Variants in ARID4B observed in about 807,000 individuals in gnomAD.
ARID4B encodes the protein AT-rich interactive domain-containing protein 4B.
Under a neutral mutation model 147.5 loss-of-function variants are expected in ARID4B, and 26 were observed. The ratio of observed to expected loss-of-function variants is 0.18; its 90% CI spans 0.13 to 0.24. ARID4B has a LOEUF of 0.24. Among genes scored for constraint, ARID4B ranks in the 10% least tolerant of loss-of-function variants. ARID4B has a pLI of 1.00. For synonymous variants in ARID4B, 512 were observed against 507.9 expected (o/e 1.01, Z -0.11); for missense variants, 1,179 against 1,511.5 (o/e 0.78, Z 3.65).
intron 2 of ARID4B, among the ~76,000 whole-genome samples, chr1:235,283,879 C>T (rs1671812028): frequency 6.6e-6 from 1 of 151,986 alleles, no homozygotes; most frequent in Admixed American, 6.6e-5. Flanking sequence ...GGATTACAGA[C>T]ATGCGCCACC....
At chr1:235,267,156 T>C (rs905865989) in intron 2 of ARID4B, among the ~76,000 whole-genome samples, 2 of 152,112 alleles carry the variant, frequency 1.3e-5, no homozygotes, top group African/African-American at 2.4e-5. Flanking sequence ...CATGCACGTA[T>C]GGTCCCAACT....
At chr1:235,309,764 A>G (rs376004086) in intron 2 of ARID4B, among the ~76,000 whole-genome samples, 3 of 152,142 alleles carry the variant, frequency 2.0e-5, no homozygotes, top group African/African-American at 4.8e-5. Context: ...TTGAGAAATC[A>G]GATGGTTGCC....
chr1:235,313,460 T>C (rs1674219596), intron 2 of ARID4B, among the ~76,000 whole-genome samples: 1 of 152,120 alleles, frequency 6.6e-6, no homozygotes, highest in African/African-American at 2.4e-5. Flanking sequence ...GAGTAGAGAC[T>C]CGGGTTTAGC....
chr1:235,273,382 T>A (rs886737637), intron 2 of ARID4B, among the ~76,000 whole-genome samples: 3 of 152,124 alleles, frequency 2.0e-5, no homozygotes, highest in African/African-American at 7.2e-5. Flanking sequence ...GTAAATTATC[T>A]CTCCTTTACA....
At chr1:235,194,337 A>AT in intron 18 of ARID4B, 126 bp from the exon 19 acceptor site, 1 of 785,334 alleles carries the variant, frequency 1.3e-6, no homozygotes, top group Non-Finnish European at 2.0e-6. Flanking sequence ...AAGAAAGAAC[A>AT]TAAGAAGCCC....
chr1:235,320,663 T>C (rs1270705149), intron 2 of ARID4B, among the ~76,000 whole-genome samples: 1 of 152,196 alleles, frequency 6.6e-6, no homozygotes, highest in Non-Finnish European at 1.5e-5. Flanking sequence ...TATAAGGCCC[T>C]ACAATTGTAC....
At chr1:235,195,474 TC>T (rs1665428182) in intron 18 of ARID4B, among the ~76,000 whole-genome samples, 1 of 151,846 alleles carries the variant, frequency 6.6e-6, no homozygotes, top group Non-Finnish European at 1.5e-5. Flanking sequence ...GTGCCTGTAA[TC>T]CCAGCTACTC....
chr1:235,301,983 G>A (rs1263932298), intron 2 of ARID4B, among the ~76,000 whole-genome samples: 2 of 150,964 alleles, frequency 1.3e-5, no homozygotes, highest in African/African-American at 4.9e-5. Flanking sequence ...ATGGGCCACC[G>A]CGCCCAGCCA....
chr1:235,181,350 T>C, intron 20 of ARID4B: 1 of 661,312 alleles, frequency 1.5e-6, no homozygotes, highest in Non-Finnish European at 2.4e-6. Flanking sequence ...GCATGTGTTC[T>C]GGTCCACAAT....
At chr1:235,297,125 A>AAGAGAGT (rs1240175825) in intron 2 of ARID4B, among the ~76,000 whole-genome samples, 1 of 152,150 alleles carries the variant, frequency 6.6e-6, no homozygotes, top group Non-Finnish European at 1.5e-5. Flanking sequence ...TTGTGCCAGA[A>AAGAGAGT]AGAGAGTAAG....
intron 5 of ARID4B, among the ~76,000 whole-genome samples, chr1:235,253,035 T>A (rs963943208): frequency 2.0e-5 from 3 of 152,192 alleles, no homozygotes; most frequent in Admixed American, 2.0e-4. Flanking sequence ...AATGAAAACA[T>A]CTTGTATAAA....
rs773440488 is a variant in ARID4B, at chr1:235,182,622, T to G, written c.2297A>C (p.His766Pro). ...TGGTTTGGATATTACCAAATCTGCA[T>G]GAACTTTGTTTTCTTCTAGCAAAGA... The part of the protein sequence containing the change: ...SSSLLEENKV[H>P]ADLVISKPVS... Residue 766 changes from histidine to proline, a missense_variant, in exon 20 of 24, where the codon CAT becomes CCT. Transcript: ENST00000264183. 1 of 1,613,768 alleles carries G rather than the reference T, an allele frequency of 6.2e-7. No homozygotes were observed. Among genetic ancestry groups the G allele is most frequent in the Non-Finnish European group, 8.5e-7 (1 of 1,179,992 alleles).
intron 2 of ARID4B, among the ~76,000 whole-genome samples, chr1:235,270,671 T>G (rs896367597): frequency 6.6e-6 from 1 of 152,212 alleles, no homozygotes; most frequent in African/African-American, 2.4e-5. Flanking sequence ...CAACTATACT[T>G]AAGGCACTGT....
In ARID4B at chr1:235,246,417, T is replaced by C. The variant is rs1363328788; in HGVS notation, c.446+3A>G. ...CAACTAACAGTCATGAAAATGGACT[T>C]ACATATGATTAGATCTTCTTCCTCT... On this transcript the variant is annotated splice_donor_region_variant and intron_variant, in intron 7 of 23. Transcript: ENST00000264183. 1 of 1,585,946 alleles carries C rather than the reference T, an allele frequency of 6.3e-7. No individual in the cohort carries two copies.
At chr1:235,315,713 G>A (rs1211096762) in intron 2 of ARID4B, among the ~76,000 whole-genome samples, 2 of 152,144 alleles carry the variant, frequency 1.3e-5, no homozygotes, top group African/African-American at 4.8e-5. Flanking sequence ...AAAGACATTA[G>A]TTACAGGGAT....
Position 235,182,231 on chromosome 1 carries a change from T to C in ARID4B, c.2688A>G (p.Ser896=), listed in dbSNP as rs1430598935. ...TTTTTTCTGCCACTTCTGAAAATCCTGAATAGAAACCAGTTGTCCGTAGAG... is the reference window on the plus strand; with the variant it reads ...TTTTTTCTGCCACTTCTGAAAATCCCGAATAGAAACCAGTTGTCCGTAGAG... ...RKSLRTTGFY[S]GFSEVAEKRI... Residue 896 remains serine (S), a synonymous_variant, in exon 20 of 24, where the codon TCA becomes TCG. Transcript: ENST00000264183. 3 of 1,613,360 alleles carry C rather than the reference T, an allele frequency of 1.9e-6. No homozygotes were observed. Among genetic ancestry groups the C allele is most frequent in the African/African-American group, 2.7e-5 (2 of 74,796 alleles).
intron 19 of ARID4B, among the ~76,000 whole-genome samples, chr1:235,189,199 G>A (rs1664901362): frequency 6.6e-6 from 1 of 152,036 alleles, no homozygotes; most frequent in South Asian, 2.1e-4. Context: ...AGGAGTTCAA[G>A]ACCAGCCTGG....
intron 2 of ARID4B, among the ~76,000 whole-genome samples, chr1:235,280,689 G>C (rs1671609703): frequency 6.6e-6 from 1 of 152,222 alleles, no homozygotes; most frequent in Non-Finnish European, 1.5e-5. Flanking sequence ...GCGCAGGGTG[G>C]GGCTGCCATC....
At chr1:235,252,002 A>G (rs962506810) in intron 6 of ARID4B, among the ~76,000 whole-genome samples, 4 of 152,190 alleles carry the variant, frequency 2.6e-5, no homozygotes, top group Non-Finnish European at 4.4e-5. Flanking sequence ...TAATAATAGT[A>G]ACTACCTCAT....
Sources: gnomAD v4.1 joint callset for allele counts (sites outside exome capture counted in the v4.1 genomes callset) on GRCh38, gnomAD v4.1.1 for gene constraint, MANE v1.5 for transcripts, NCBI Gene and HGNC (gene_info 2026-07-23, HGNC 2026-07-21) for gene names.